The following GANAB variants were observed in gnomAD, a reference collection of about 807,000 sequenced individuals.
GANAB encodes glucosidase II alpha subunit, also known as neutral alpha-glucosidase AB.
A neutral mutation model predicts 129.9 loss-of-function variants in GANAB; 35 were observed. That is an observed-to-expected ratio of 0.27 (90% confidence interval 0.21 to 0.36). GANAB has a LOEUF of 0.36. Among genes scored for constraint, GANAB ranks in the 10% least tolerant of loss-of-function variants. GANAB has a pLI of 1.00. For synonymous variants in GANAB, 482 were observed against 451.8 expected (o/e 1.07, Z -0.85); for missense variants, 939 against 1,221.0 (o/e 0.77, Z 3.44).
rs78683950 is a variant in GANAB at position 62,633,398 on chromosome 11, C to T, written c.630+47G>A. ...TTTCTCATGGGCCTCTCCCCTCCAC[C>T]CTCCCAGCCAGCCCTATCCTCCAAC... On this transcript the variant is annotated intron_variant, in intron 6 of 23. Transcript: ENST00000356638. The T allele has an allele frequency of 9.8e-4, 1,561 of 1,593,452 alleles. 10 individuals carry two copies. In the African/African-American group the frequency reaches 0.017, roughly 17 times the overall value.
chr11:62,635,498 T>G (rs1943903471), intron 4 of GANAB, among the ~76,000 whole-genome samples: 1 of 151,486 alleles, frequency 6.6e-6, no homozygotes, highest in Non-Finnish European at 1.5e-5. Flanking sequence ...CTTTTTTAAA[T>G]GTACTAAATA....
intron 1 of GANAB, among the ~76,000 whole-genome samples, chr11:62,644,546 A>C: frequency 6.6e-6 from 1 of 151,780 alleles, no homozygotes; most frequent in Non-Finnish European, 1.5e-5. Context: ...GCCTGAACGC[A>C]AGAGTTTGAG....
Position 62,630,819 on chromosome 11 carries a change from G to T in GANAB, c.1168C>A (p.Pro390Thr). The T allele has an allele frequency of 6.2e-7, 1 of 1,613,702 alleles. No homozygotes were observed. Residue 390 changes from proline (P) to threonine (T), a missense_variant, in exon 11 of 24, where the codon CCA becomes ACA. Physicochemically the swap from Pro to Thr is conservative, Grantham distance 38. Transcript: ENST00000356638. The part of the protein sequence containing the change: ...ASLTGTQALP[P>T]LFSLGYHQSR... ...TGGTGGTAGCCGAGGGAGAAGAGTG[G>T]GGGCAACGCCTGGGTTCCTGCAGGT...
intron 1 of GANAB, among the ~76,000 whole-genome samples, chr11:62,640,534 A>AG (rs1385046423): frequency 5.2e-4 from 1 of 1,916 alleles, no homozygotes; most frequent in African/African-American, 6.9e-4. Flanking sequence ...CTCCATCTCC[A>AG]AAAAAAAAAA....
chr11:62,626,888 G>C lies in GANAB; in HGVS notation c.2369C>G (p.Thr790Ser). The part of the protein sequence containing the change: ...QSYQKHHGPQ[T>S]LYLPVTLSSI... ...GCTTAGAGTTACAGGCAGGTACAGG[G>C]TCTGGGGACCATGATGCTTCTGGTA... Residue 790 changes from threonine to serine, a missense_variant, in exon 20 of 24, where the codon ACC becomes AGC. Thr to Ser is a moderately conservative substitution (Grantham distance 58, BLOSUM62 1). Around this residue, in one of 5 missense-constraint regions of GANAB, gnomAD observed 230 missense variants for 259.9 expected, o/e 0.89. Transcript: ENST00000356638. 2 of 1,612,536 alleles carry C rather than the reference G, an allele frequency of 1.2e-6. No individual in the cohort carries two copies. The highest frequency in any genetic ancestry group is 8.5e-7 in the Non-Finnish European group (1 of 1,178,690).
intron 6 of GANAB, 66 bp downstream of exon 6, chr11:62,633,379 A>G (rs546698574): frequency 2.6e-6 from 4 of 1,567,896 alleles, no homozygotes; most frequent in East Asian, 4.5e-5. Flanking sequence ...CAAGTTTCTC[A>G]TGGGCCTCTC....
intron 4 of GANAB, among the ~76,000 whole-genome samples, chr11:62,637,844 C>T (rs1165986427): frequency 2.0e-5 from 3 of 151,050 alleles, no homozygotes; most frequent in Non-Finnish European, 4.4e-5. Flanking sequence ...ACCATCCTGG[C>T]TAACGCAGAT....
Position 62,626,059 on chromosome 11 carries a change from A to C in GANAB, c.2725+6T>G. Reference sequence around the variant, plus strand: ...CCCCATCCTAGGGGCCAGATTGGTCACTCACCTTTTGTCTGGAGTACCACA... The same window carrying C: ...CCCCATCCTAGGGGCCAGATTGGTCCCTCACCTTTTGTCTGGAGTACCACA... On this transcript the variant is annotated splice_donor_region_variant and intron_variant, in intron 23 of 23. Transcript: ENST00000356638. 6.2e-7 allele frequency: 1 copy of C among 1,602,272 alleles called. No homozygotes were observed. Among genetic ancestry groups the C allele is most frequent in the Middle Eastern group, 1.7e-4 (1 of 6,048 alleles).
In GANAB at chr11:62,628,791, G is replaced by A. The variant is rs760131084; in HGVS notation, c.2158C>T (p.Arg720Trp). The change falls in exon 17 of 24, where the codon CGG (arginine) becomes TGG (tryptophan). Residue 720 changes from arginine to tryptophan, a missense_variant. Arg to Trp is a moderately radical substitution (Grantham distance 101). Coordinates refer to ENST00000356638, the MANE Select transcript of GANAB (RefSeq NM_198334.3). ...CACCTCATGACAGGAATGCCTTCCC[G>A]ATGGGCCTGATATAAGAGGGTGTAC... ...FWYTLLYQAH[R>W]EGIPVMRPLW... The A allele has an allele frequency of 1.4e-5, 23 of 1,613,788 alleles. No homozygotes were observed. Among genetic ancestry groups the A allele is most frequent in the Admixed American group, 6.7e-5 (4 of 59,996 alleles).
At chr11:62,646,515 G>A in intron 1 of GANAB, 47 bp downstream of exon 1, 1 of 1,601,680 alleles carries the variant, frequency 6.2e-7, no homozygotes, top group Non-Finnish European at 8.5e-7. Flanking sequence ...GGGACTTGGG[G>A]GATCTGGGGG....
intron 4 of GANAB, among the ~76,000 whole-genome samples, chr11:62,636,641 C>T (rs1049069508): frequency 1.3e-5 from 2 of 152,090 alleles, no homozygotes; most frequent in African/African-American, 4.8e-5. Context: ...ATAGTGAAAC[C>T]CTGTCTCTAC....
chr11:62,646,373 C>A (rs1173424774), intron 1 of GANAB, among the ~76,000 whole-genome samples, 189 bp downstream of exon 1: 2 of 152,204 alleles, frequency 1.3e-5, no homozygotes, highest in African/African-American at 2.4e-5. Context: ...GCCCCACAGG[C>A]AAGGCCCCCA....
rs749508991 is a variant in GANAB at position 62,633,031 on chromosome 11, T to C, written c.789A>G (p.Ala263=). 2.5e-6 allele frequency: 4 copies of C among 1,607,804 alleles called. No individual in the cohort carries two copies. The Admixed American group carries it at 6.7e-5, about 27-fold the overall frequency. Reference sequence around the variant, plus strand: ...CAGTGACCTTCAGCCTCAGGTTGTCTGCATGCTCAGGGATCCCATAGACAT... The same window carrying C: ...CAGTGACCTTCAGCCTCAGGTTGTCCGCATGCTCAGGGATCCCATAGACAT... ...MEHVYGIPEH[A]DNLRLKVTEG... The change falls in exon 8 of 24, where the codon GCA becomes GCG. Residue 263 remains alanine (A), a synonymous_variant. Transcript: ENST00000356638.
At position 62,639,610 on chromosome 11, in the gene GANAB, C is replaced by T. The variant is rs2134533150; in HGVS notation, c.143+17G>A. 1 of 1,568,514 alleles carries T rather than the reference C, an allele frequency of 6.4e-7. No homozygotes were observed. The highest frequency in any genetic ancestry group is 1.1e-5 in the South Asian group (1 of 90,152). ...TACAACCCTACATTCCATCCCTCTC[C>T]CCCAGAAATATCATACTTGCAGAAA... On this transcript the variant is annotated intron_variant, in intron 2 of 23. Transcript: ENST00000356638.
rs142858475 is a variant in GANAB at position 62,633,930 on chromosome 11, A to G, written c.561-416T>C. 355 of 363,262 alleles carry G rather than the reference A, an allele frequency of 9.8e-4. 4 individuals are homozygous for G. In the East Asian group the frequency reaches 0.015, roughly 15 times the overall value. The allele number at this position is 363,262 out of a possible 1,614,324, so 22.5% of individuals were successfully genotyped here. On this transcript the variant is annotated intron_variant, in intron 5 of 23. Coordinates refer to ENST00000356638, the MANE Select transcript of GANAB (RefSeq NM_198334.3). Reference sequence around the variant, plus strand: ...TTTGCAAAGGCATGTGGGTCATACTATACCAAGCCTCTACAGACATACATA... The same window carrying G: ...TTTGCAAAGGCATGTGGGTCATACTGTACCAAGCCTCTACAGACATACATA...
Position 62,628,800 on chromosome 11 carries a change from G to C in GANAB, c.2149C>G (p.Gln717Glu), listed in dbSNP as rs367877259. Residue 717 changes from glutamine to glutamate, a missense_variant, in exon 17 of 24, where the codon CAG (glutamine) becomes GAG (glutamate). By Grantham distance (29) the Gln-to-Glu change is conservative. Around this residue, in one of 5 missense-constraint regions of GANAB, gnomAD observed 147 missense variants for 282.4 expected, o/e 0.52. Coordinates refer to ENST00000356638, the MANE Select transcript of GANAB (RefSeq NM_198334.3). ...ACAGGAATGCCTTCCCGATGGGCCT[G>C]ATATAAGAGGGTGTACCAGAAGGGC... is the stretch of plus-strand genomic sequence containing the variant. ...LLPFWYTLLY[Q>E]AHREGIPVMR... The C allele has an allele frequency of 6.2e-7, 1 of 1,614,100 alleles. No individual in the cohort carries two copies. Among genetic ancestry groups the C allele is most frequent in the Non-Finnish European group, 8.5e-7 (1 of 1,179,990 alleles).
At chr11:62,629,041 G>A (rs1407237808) in intron 16 of GANAB, 29 bp from the exon 17 acceptor site, 2 of 1,608,288 alleles carry the variant, frequency 1.2e-6, no homozygotes, top group South Asian at 1.1e-5. Flanking sequence ...GAAGCAGGTT[G>A]GAAAAGAGGG....
rs1276241091 is a variant in GANAB, at chr11:62,632,545, C to T, written c.996+20G>A. On this transcript the variant is annotated intron_variant, in intron 9 of 23. Coordinates refer to ENST00000356638, the MANE Select transcript of GANAB (RefSeq NM_198334.3). ...CTGGAAGCTTCACTCCCTCCTTTTT[C>T]CCCGTGCCTGTGCTCTCACCTTCCC... The T allele has an allele frequency of 1.9e-6, 3 of 1,599,484 alleles. No individual in the cohort carries two copies. In the South Asian group the frequency reaches 3.3e-5, roughly 18 times the overall value.
At chr11:62,633,366 G>T (rs1033319231) in intron 6 of GANAB, 79 bp downstream of exon 6, 3 of 1,556,094 alleles carry the variant, frequency 1.9e-6, no homozygotes, top group Non-Finnish European at 2.7e-6. Context: ...GGGAGACTAA[G>T]TTCAAGTTTC....
Sources: allele counts gnomAD v4.1 joint callset (sites outside exome capture counted in the v4.1 genomes callset), GRCh38; gene constraint gnomAD v4.1.1; regional missense constraint gnomAD v4.1.1; transcripts MANE v1.5; gene names NCBI Gene and HGNC (gene_info 2026-07-23, HGNC 2026-07-21).